The following PIGK variants were observed in gnomAD, a reference collection of about 807,000 sequenced individuals.
The protein encoded by PIGK is GPI-anchor transamidase.
A neutral mutation model predicts 50.6 loss-of-function variants in PIGK; 42 were observed. That is an observed-to-expected ratio of 0.83 (90% CI 0.65 to 1.07). The LOEUF (loss-of-function observed/expected upper bound fraction) is 1.07, where lower values mean the gene tolerates loss of function less well. PIGK is among the 50% of genes least tolerant of loss of function. The pLI, the probability that PIGK is intolerant of heterozygous loss-of-function variation, is 0.00. For synonymous variants in PIGK, 151 were observed against 156.0 expected (o/e 0.97, Z 0.24); for missense variants, 448 against 488.7 (o/e 0.92, Z 0.78).
chr1:77,174,949 C>T (rs571265694), intron 3 of PIGK, among the ~76,000 whole-genome samples: 6 of 152,046 alleles, frequency 3.9e-5, no homozygotes, highest in East Asian at 1.9e-4. Context: ...GTTATGTATG[C>T]GTTCTGTGTG....
intron 9 of PIGK, among the ~76,000 whole-genome samples, chr1:77,139,901 A>C (rs1045706457): frequency 6.6e-6 from 1 of 152,166 alleles, no homozygotes; most frequent in Non-Finnish European, 1.5e-5. Flanking sequence ...ACTCATTTAC[A>C]TTAATTTTTT....
chr1:77,111,392 T>C (rs556266887), intron 10 of PIGK, among the ~76,000 whole-genome samples: 1 of 151,978 alleles, frequency 6.6e-6, no homozygotes, highest in South Asian at 2.1e-4. Context: ...ATTAAGAAAA[T>C]GTGGCACATA....
intron 3 of PIGK, among the ~76,000 whole-genome samples, chr1:77,192,569 C>T (rs1655934986): frequency 6.6e-6 from 1 of 151,974 alleles, no homozygotes; most frequent in African/African-American, 2.4e-5. Flanking sequence ...TGGTTTAAAC[C>T]AGTTTTCTAC....
chr1:77,176,328 G>A (rs1266719641), intron 3 of PIGK, among the ~76,000 whole-genome samples: 1 of 152,128 alleles, frequency 6.6e-6, no homozygotes, highest in Non-Finnish European at 1.5e-5. Context: ...AGGATTATTT[G>A]ACATGTTATT....
chr1:77,194,147 C>T (rs1486976083), intron 3 of PIGK, among the ~76,000 whole-genome samples: 1 of 152,170 alleles, frequency 6.6e-6, no homozygotes, highest in Non-Finnish European at 1.5e-5. Context: ...CATCTCATGC[C>T]AGTCAGAATG....
At chr1:77,116,034 A>G (rs1288353468) in intron 10 of PIGK, among the ~76,000 whole-genome samples, 1 of 152,218 alleles carries the variant, frequency 6.6e-6, no homozygotes, top group Non-Finnish European at 1.5e-5. Flanking sequence ...ATTCACTGAT[A>G]TATAACATTT....
intron 10 of PIGK, among the ~76,000 whole-genome samples, chr1:77,101,040 G>T (rs1653529866): frequency 6.6e-6 from 1 of 152,078 alleles, no homozygotes; most frequent in Non-Finnish European, 1.5e-5. Flanking sequence ...GATAATAATG[G>T]TTTTAAATCA....
At chr1:77,136,045 G>T (rs540957058) in intron 9 of PIGK, among the ~76,000 whole-genome samples, 1 of 152,100 alleles carries the variant, frequency 6.6e-6, no homozygotes, top group East Asian at 1.9e-4. Flanking sequence ...TTCAAAAAGT[G>T]CATCCCTTTA....
At chr1:77,207,820 A>T (rs1441893559) in intron 2 of PIGK, among the ~76,000 whole-genome samples, 2 of 152,196 alleles carry the variant, frequency 1.3e-5, no homozygotes, top group African/African-American at 4.8e-5. Context: ...ACAAACAGAA[A>T]GGAACTACAT....
chr1:77,096,710 A>G (rs1289378776), intron 10 of PIGK, among the ~76,000 whole-genome samples: 1 of 152,172 alleles, frequency 6.6e-6, no homozygotes, highest in Non-Finnish European at 1.5e-5. Context: ...TGTGAGCTAA[A>G]TAAATGACTG....
At chr1:77,190,927 C>A (rs944404459) in intron 3 of PIGK, among the ~76,000 whole-genome samples, 4 of 152,184 alleles carry the variant, frequency 2.6e-5, no homozygotes, top group Non-Finnish European at 5.9e-5. Flanking sequence ...AATCAGTCTT[C>A]CAATAGCAGG....
intron 3 of PIGK, among the ~76,000 whole-genome samples, chr1:77,196,518 G>C (rs928678146): frequency 6.6e-6 from 1 of 152,060 alleles, no homozygotes; most frequent in African/African-American, 2.4e-5. Context: ...ATTCTGACTG[G>C]TGTGAGATGG....
chr1:77,218,053 G>A (rs1297012604), intron 1 of PIGK, among the ~76,000 whole-genome samples: 1 of 152,058 alleles, frequency 6.6e-6, no homozygotes, highest in African/African-American at 2.4e-5. Flanking sequence ...AAATATATAT[G>A]AAGTTCATGC....
intron 9 of PIGK, among the ~76,000 whole-genome samples, chr1:77,149,001 C>T (rs1361025480): frequency 2.6e-5 from 4 of 152,064 alleles, no homozygotes; most frequent in Non-Finnish European, 5.9e-5. Flanking sequence ...AGGCGTGAGC[C>T]ACCACGCCCA....
At chr1:77,104,063 C>A (rs983643811) in intron 10 of PIGK, among the ~76,000 whole-genome samples, 1 of 148,004 alleles carries the variant, frequency 6.8e-6, no homozygotes, top group Non-Finnish European at 1.5e-5. Flanking sequence ...CTGTTGGTAA[C>A]AACTTAAGAG....
chr1:77,116,507 C>T (rs1474827890), intron 10 of PIGK, among the ~76,000 whole-genome samples: 1 of 151,800 alleles, frequency 6.6e-6, no homozygotes, highest in Non-Finnish European at 1.5e-5. Flanking sequence ...CATCTTAAAC[C>T]CCAGCAGGCA....
rs906855500 is a variant in PIGK at position 77,091,683 on chromosome 1, T to C, written c.*691A>G. The C allele has an allele frequency of 6.6e-6, 1 of 152,180 alleles. No individual in the cohort carries two copies. Among genetic ancestry groups the C allele is most frequent in the Non-Finnish European group, 1.5e-5 (1 of 68,014 alleles). The allele number at this position is 152,180 out of a possible 1,614,324, so 9.4% of individuals were successfully genotyped here. On this transcript the variant is annotated 3_prime_UTR_variant, in exon 11 of 11. Coordinates refer to ENST00000370812, the MANE Select transcript of PIGK (RefSeq NM_005482.3). ...AAGGTCCTGGAGATTGTCAGTGCCA[T>C]AGATTAAAAAACCAATTTTTCATCT...
chr1:77,210,253 C>T (rs1322074939), intron 2 of PIGK, among the ~76,000 whole-genome samples, 183 bp downstream of exon 2: 8 of 151,638 alleles, frequency 5.3e-5, no homozygotes, highest in Admixed American at 2.0e-4. Context: ...ATTCTGAGGA[C>T]AAAGAATATT....
intron 3 of PIGK, among the ~76,000 whole-genome samples, chr1:77,189,746 TATACACACACAC>T (rs1655853798): frequency 6.9e-5 from 3 of 43,540 alleles, no homozygotes; most frequent in African/African-American, 4.0e-4. Context: ...TATATATATA[TATACACACACAC>T]ACACACACAC....
Sources: gnomAD v4.1 joint callset for allele counts (sites outside exome capture counted in the v4.1 genomes callset) on GRCh38, gnomAD v4.1.1 for gene constraint, MANE v1.5 for transcripts, NCBI Gene and HGNC (gene_info 2026-07-23, HGNC 2026-07-21) for gene names.